TMEM132D: variants seen among roughly 807,000 people sequenced by gnomAD.
TMEM132D encodes the protein mature OL transmembrane protein.
Under a neutral mutation model 62.3 loss-of-function variants are expected in TMEM132D, and 21 were observed. The ratio of observed to expected loss-of-function variants is 0.34; its 90% CI spans 0.24 to 0.49. The LOEUF (loss-of-function observed/expected upper bound fraction) is 0.49, where lower values mean the gene tolerates loss of function less well. Ranked by LOEUF, TMEM132D falls within the 20% of genes least tolerant of loss-of-function variation. The pLI is 0.99. For missense variants in TMEM132D, 1,346 were observed against 1,402.8 expected, an observed-to-expected ratio of 0.96 and a Z score of 0.65; for synonymous variants, 621 against 575.6, an observed-to-expected ratio of 1.08 and a Z score of -1.13.
intron 1 of TMEM132D, among the ~76,000 whole-genome samples, chr12:129,782,400 G>C (rs188879062): frequency 6.6e-6 from 1 of 152,328 alleles, no homozygotes; most frequent in East Asian, 1.9e-4. Flanking sequence ...TTTGATCTTA[G>C]ACAAGTTGAT....
intron 5 of TMEM132D, among the ~76,000 whole-genome samples, chr12:129,193,202 A>G (rs1186080375): frequency 4.6e-5 from 7 of 151,680 alleles, no homozygotes; most frequent in Admixed American, 6.6e-5. Flanking sequence ...TATGCCAATT[A>G]CATGCACTCT....
chr12:129,205,755 C>T (rs897118641), intron 5 of TMEM132D, among the ~76,000 whole-genome samples: 28 of 151,980 alleles, frequency 1.8e-4, no homozygotes, highest in African/African-American at 6.5e-4. Flanking sequence ...AAATCAACCA[C>T]ATAATCAGAC....
intron 2 of TMEM132D, among the ~76,000 whole-genome samples, chr12:129,638,557 A>ATATATAAACATATATAAAT: frequency 4.0e-4 from 1 of 2,526 alleles, no homozygotes; most frequent in Non-Finnish European, 1.1e-3. Context: ...ACATATATAA[A>ATATATAAACATATATAAAT]TATATAAACA....
intron 4 of TMEM132D, among the ~76,000 whole-genome samples, chr12:129,261,322 G>A (rs148657844): frequency 6.6e-6 from 1 of 152,168 alleles, no homozygotes; most frequent in African/African-American, 2.4e-5. Flanking sequence ...AATCATGGGG[G>A]TGGGTTTCCC....
intron 2 of TMEM132D, among the ~76,000 whole-genome samples, chr12:129,637,627 T>A (rs186215077): frequency 3.4e-4 from 52 of 152,268 alleles, no homozygotes; most frequent in African/African-American, 1.2e-3. Flanking sequence ...TAGCCATGCT[T>A]CCTGTAAAGC....
intron 3 of TMEM132D, among the ~76,000 whole-genome samples, chr12:129,449,693 T>G (rs905302027): frequency 6.6e-6 from 1 of 152,104 alleles, no homozygotes; most frequent in African/African-American, 2.4e-5. Flanking sequence ...GTGTGAAAAA[T>G]CTCAGCACAC....
chr12:129,493,357 G>C (rs755350606), intron 3 of TMEM132D, among the ~76,000 whole-genome samples: 2 of 152,088 alleles, frequency 1.3e-5, no homozygotes, highest in Non-Finnish European at 2.9e-5. Flanking sequence ...TACATGCCAG[G>C]TATTATTCTA....
At chr12:129,236,102 TTTTGTGTGTG>T (rs1355264192) in intron 4 of TMEM132D, among the ~76,000 whole-genome samples, 1 of 74,252 alleles carries the variant, frequency 1.3e-5, no homozygotes, top group African/African-American at 4.0e-5. Flanking sequence ...TATGATGCTA[TTTTGTGTGTG>T]TGTGTGTGTG....
chr12:129,563,505 CAATGTAA>C (rs1168382619), intron 2 of TMEM132D, among the ~76,000 whole-genome samples: 2 of 152,076 alleles, frequency 1.3e-5, no homozygotes, highest in Admixed American at 6.6e-5. Flanking sequence ...ACGGAGTTGG[CAATGTAA>C]TCAGGCACTG....
At chr12:129,442,086 C>T (rs111866415) in intron 3 of TMEM132D, among the ~76,000 whole-genome samples, 22 of 152,244 alleles carry the variant, frequency 1.4e-4, no homozygotes, top group African/African-American at 4.8e-4. Flanking sequence ...CCAGTGTTAC[C>T]CAATATTCCC....
At chr12:129,125,351 T>C (rs1876181668) in intron 5 of TMEM132D, among the ~76,000 whole-genome samples, 1 of 152,198 alleles carries the variant, frequency 6.6e-6, no homozygotes, top group South Asian at 2.1e-4. Flanking sequence ...AGTTCTAAGC[T>C]ATTTTGATGT....
chr12:129,793,800 T>C (rs928127246), intron 1 of TMEM132D, among the ~76,000 whole-genome samples: 1 of 152,236 alleles, frequency 6.6e-6, no homozygotes, highest in Non-Finnish European at 1.5e-5. Context: ...TGCCTTAAAC[T>C]TGTCACAAAA....
chr12:129,439,242 T>G (rs933950739), intron 3 of TMEM132D, among the ~76,000 whole-genome samples: 5 of 152,210 alleles, frequency 3.3e-5, no homozygotes, highest in African/African-American at 1.2e-4. Flanking sequence ...CCAGTAAGAA[T>G]AGCTCAGCCG....
chr12:129,359,177 G>T (rs1342240325), intron 3 of TMEM132D, among the ~76,000 whole-genome samples: 1 of 152,120 alleles, frequency 6.6e-6, no homozygotes, highest in Admixed American at 6.5e-5. Flanking sequence ...CAGACACATA[G>T]TACAATATTG....
At chr12:129,524,975 G>C (rs1199260179) in intron 3 of TMEM132D, among the ~76,000 whole-genome samples, 1 of 126,176 alleles carries the variant, frequency 7.9e-6, no homozygotes, top group Admixed American at 8.6e-5. Context: ...CGCCAGGCTG[G>C]AGTGCAGTGG....
At chr12:129,128,431 G>A (rs994016510) in intron 5 of TMEM132D, among the ~76,000 whole-genome samples, 1 of 152,128 alleles carries the variant, frequency 6.6e-6, no homozygotes, top group African/African-American at 2.4e-5. Flanking sequence ...ACGGTGGCAG[G>A]AGCGAGAGAG....
intron 3 of TMEM132D, among the ~76,000 whole-genome samples, chr12:129,436,463 C>T (rs1158420496): frequency 6.6e-6 from 1 of 152,050 alleles, no homozygotes; most frequent in African/African-American, 2.4e-5. Context: ...AAAGACCAAG[C>T]GTAGCAGTGG....
intron 5 of TMEM132D, chr12:129,109,589 G>A (rs577505544): frequency 6.6e-6 from 1 of 152,430 alleles, no homozygotes; most frequent in Non-Finnish European, 1.5e-5. Context: ...CACGGGGGCT[G>A]GTCTTTCCTG....
intron 3 of TMEM132D, among the ~76,000 whole-genome samples, chr12:129,346,281 G>A (rs1226044453): frequency 6.6e-6 from 1 of 152,114 alleles, no homozygotes; most frequent in East Asian, 1.9e-4. Context: ...GATCAGTGGA[G>A]ATATCCCCTT....
Sources: gnomAD v4.1 joint callset for allele counts (sites outside exome capture counted in the v4.1 genomes callset) on GRCh38, gnomAD v4.1.1 for gene constraint, MANE v1.5 for transcripts, NCBI Gene and HGNC (gene_info 2026-07-23, HGNC 2026-07-21) for gene names.